Variants in LEPR observed in about 807,000 individuals in gnomAD.
LEPR encodes the protein leptin receptor, also known as OB receptor.
In LEPR, 56 loss-of-function variants were observed where a neutral mutation model predicts 114.7. The observed-to-expected ratio is 0.49, with a 90% CI of 0.39 to 0.61. The LOEUF (loss-of-function observed/expected upper bound fraction) is 0.61, where lower values mean the gene tolerates loss of function less well. Ranked by LOEUF, LEPR falls within the 20% of genes least tolerant of loss-of-function variation. The pLI, the probability that LEPR is intolerant of heterozygous loss-of-function variation, is 0.00. For synonymous variants in LEPR, 443 were observed against 461.4 expected (o/e 0.96, Z 0.51); for missense variants, 1,202 against 1,352.9 (o/e 0.89, Z 1.75).
chr1:65,583,451 T>C (rs1430101901), intron 5 of LEPR, among the ~76,000 whole-genome samples: 3 of 152,094 alleles, frequency 2.0e-5, no homozygotes, highest in African/African-American at 7.2e-5. Flanking sequence ...CAAACGAGAT[T>C]GGAGAGACCT....
chr1:65,530,559 C>A (rs149336530), intron 2 of LEPR, among the ~76,000 whole-genome samples: 1 of 152,084 alleles, frequency 6.6e-6, no homozygotes. Context: ...CTTTTTAGAC[C>A]ATATTGGGTA....
At chr1:65,465,674 G>A (rs1001068571) in intron 2 of LEPR, among the ~76,000 whole-genome samples, 1 of 152,130 alleles carries the variant, frequency 6.6e-6, no homozygotes, top group African/African-American at 2.4e-5. Context: ...CTCTTTGTAG[G>A]TCTCTAAGGA....
chr1:65,452,246 T>C (rs1646796380), intron 2 of LEPR, among the ~76,000 whole-genome samples: 2 of 152,152 alleles, frequency 1.3e-5, no homozygotes, highest in African/African-American at 4.8e-5. Flanking sequence ...TGACTACCTC[T>C]TTTCCTAATT....
At chr1:65,623,177 G>T (rs907712334) in intron 19 of LEPR, 196 bp downstream of exon 19, 5 of 590,974 alleles carry the variant, frequency 8.5e-6, no homozygotes, top group Non-Finnish European at 1.5e-5. Context: ...AAATTTCAGC[G>T]CATAGTTTAT....
Position 65,609,966 on chromosome 1 carries a change from CA to C in LEPR, c.1776del (p.Lys592AsnfsTer25). On this transcript the variant is annotated frameshift_variant, in exon 13 of 20. Transcript: ENST00000349533. LOFTEE classifies it high-confidence loss of function. ...TTACAGATGTATGAGGTTTATGATG[CA>C]AAATCAAAATCTGTCAGTCTCCCAG... The part of the protein sequence containing the change: ...VQWKMYEVYD[A>X]KSKSVSLPVP... 1.9e-6 allele frequency: 3 copies of C among 1,614,138 alleles called. No individual in the cohort carries two copies. Among genetic ancestry groups the C allele is most frequent in the Non-Finnish European group, 2.5e-6 (3 of 1,179,988 alleles).
chr1:65,463,086 A>G (rs965209954), intron 2 of LEPR, among the ~76,000 whole-genome samples: 6 of 152,152 alleles, frequency 3.9e-5, no homozygotes, highest in African/African-American at 1.4e-4. Flanking sequence ...TATGTCCTGA[A>G]TGGTAGTACC....
intron 5 of LEPR, among the ~76,000 whole-genome samples, chr1:65,574,079 A>G (rs1314952116): frequency 6.6e-6 from 1 of 152,194 alleles, no homozygotes; most frequent in Non-Finnish European, 1.5e-5. Context: ...GTAGGTACAT[A>G]ATGTCATGGG....
At chr1:65,448,773 T>C (rs1646743695) in intron 2 of LEPR, among the ~76,000 whole-genome samples, 1 of 152,238 alleles carries the variant, frequency 6.6e-6, no homozygotes, top group Non-Finnish European at 1.5e-5. Flanking sequence ...AAAAAATTGG[T>C]CCATTTCATC....
intron 2 of LEPR, among the ~76,000 whole-genome samples, chr1:65,553,959 G>T (rs1652620679): frequency 6.6e-6 from 1 of 152,120 alleles, no homozygotes; most frequent in Non-Finnish European, 1.5e-5. Flanking sequence ...TACCAGTCAG[G>T]CCCTTCTGCT....
intron 2 of LEPR, chr1:65,433,788 T>G: frequency 1.0e-6 from 1 of 953,324 alleles, no homozygotes; most frequent in Non-Finnish European, 1.2e-6. Flanking sequence ...TGTAATAAAT[T>G]TCACTTTTAA....
intron 2 of LEPR, among the ~76,000 whole-genome samples, chr1:65,516,690 AAT>A (rs1367479764): frequency 3.9e-5 from 6 of 152,198 alleles, no homozygotes. Flanking sequence ...TTATCCAGCT[AAT>A]GCAACTCAGT....
rs748461173 is a variant in LEPR at position 65,592,681 on chromosome 1, T to C, written c.519T>C (p.Pro173=). ...YVLPEVLEDS[P]LVPQKGSFQM... ...GGCCTGAAGTGTTAGAAGATTCACC[T>C]CTGGTTCCCCAAAAAGGCAGTTTTC... The change falls in exon 6 of 20, where the codon CCT becomes CCC. Residue 173 remains proline (P), a synonymous_variant. Coordinates refer to ENST00000349533, the MANE Select transcript of LEPR (RefSeq NM_002303.6). 6.2e-7 allele frequency: 1 copy of C among 1,613,234 alleles called. No homozygotes were observed. The highest frequency in any genetic ancestry group is 8.5e-7 in the Non-Finnish European group (1 of 1,179,372).
At chr1:65,547,130 AC>A (rs1651810581) in intron 2 of LEPR, among the ~76,000 whole-genome samples, 1 of 151,414 alleles carries the variant, frequency 6.6e-6, no homozygotes, top group African/African-American at 2.4e-5. Flanking sequence ...TGTATATTGA[AC>A]CAGCCTTGCA....
intron 2 of LEPR, among the ~76,000 whole-genome samples, chr1:65,531,676 T>G (rs977618634): frequency 3.9e-5 from 6 of 152,190 alleles, no homozygotes; most frequent in Non-Finnish European, 8.8e-5. Context: ...CTATTGTTTG[T>G]TCATTTTTAT....
At chr1:65,445,950 A>C (rs1162782889) in intron 2 of LEPR, among the ~76,000 whole-genome samples, 1 of 152,186 alleles carries the variant, frequency 6.6e-6, no homozygotes, top group East Asian at 1.9e-4. Context: ...CTTAATTTTA[A>C]ATCTTTTTTA....
chr1:65,626,095 T>A lies in LEPR; in HGVS notation c.2673+3114T>A, dbSNP rs78387296. Reference sequence around the variant, plus strand: ...ACATCAGCAAAATGCAGTTTAAACCTGCAGCAAATTATTTTTCCCTTTTCC... The same window carrying A: ...ACATCAGCAAAATGCAGTTTAAACCAGCAGCAAATTATTTTTCCCTTTTCC... On this transcript the variant is annotated intron_variant, in intron 19 of 19. Transcript: ENST00000349533. 2.3e-3 allele frequency: 3,692 copies of A among 1,606,052 alleles called. 74 individuals carry two copies. In the African/African-American group the frequency reaches 0.044, roughly 19 times the overall value.
intron 2 of LEPR, among the ~76,000 whole-genome samples, chr1:65,528,803 G>A (rs1650157202): frequency 6.6e-6 from 1 of 151,900 alleles, no homozygotes; most frequent in Non-Finnish European, 1.5e-5. Context: ...AAAAAAGAAA[G>A]TTATTTACTT....
At chr1:65,526,198 C>G in intron 2 of LEPR, 1 of 985,198 alleles carries the variant, frequency 1.0e-6, no homozygotes. Flanking sequence ...ACAGTAAACC[C>G]TGGGGTCCTG....
chr1:65,511,232 T>C (rs532578747), intron 2 of LEPR, among the ~76,000 whole-genome samples: 1 of 152,146 alleles, frequency 6.6e-6, no homozygotes, highest in South Asian at 2.1e-4. Context: ...CATTGTCAGA[T>C]GATTCTAGAG....
Sources: allele counts gnomAD v4.1 joint callset (sites outside exome capture counted in the v4.1 genomes callset), GRCh38; gene constraint gnomAD v4.1.1; transcripts MANE v1.5; gene names NCBI Gene and HGNC (gene_info 2026-07-23, HGNC 2026-07-21).